Variants in RNFT2 observed in about 807,000 individuals in gnomAD.
The protein encoded by RNFT2 is E3 ubiquitin-protein ligase RNFT2.
A neutral mutation model predicts 53.0 loss-of-function variants in RNFT2; 36 were observed. The observed-to-expected ratio is 0.68, with a 90% confidence interval of 0.52 to 0.90. The LOEUF is 0.90. Among genes scored for constraint, RNFT2 ranks in the 40% least tolerant of loss-of-function variants. The pLI is 0.00. For synonymous variants in RNFT2, 260 were observed against 253.2 expected, an observed-to-expected ratio of 1.03 and a Z score of -0.26; for missense variants, 514 against 585.6, an observed-to-expected ratio of 0.88 and a Z score of 1.26.
intron 7 of RNFT2, among the ~76,000 whole-genome samples, chr12:116,791,946 G>A (rs752428837): frequency 3.3e-5 from 5 of 152,152 alleles, no homozygotes; most frequent in Admixed American, 3.3e-4. Context: ...GCTCACAAGT[G>A]GCTATGTGGA....
Position 116,849,363 on chromosome 12 carries a change from C to G in RNFT2, c.1250C>G (p.Thr417Ser). Residue 417 changes from threonine (T) to serine (S), a missense_variant, in exon 11 of 11, where the codon ACC becomes AGC. Transcript: ENST00000257575. The part of the protein sequence containing the change: ...CLCLWLDRER[T>S]CPLCRSVAVD... Reference sequence around the variant, plus strand: ...TGCCTGTGGCTGGACCGTGAGCGCACCTGCCCGCTCTGCCGCTCGGTCGCC... The same window carrying G: ...TGCCTGTGGCTGGACCGTGAGCGCAGCTGCCCGCTCTGCCGCTCGGTCGCC... 6.5e-7 allele frequency: 1 copy of G among 1,548,948 alleles called. No homozygotes were observed. The highest frequency in any genetic ancestry group is 8.7e-7 in the Non-Finnish European group (1 of 1,150,478).
At chr12:116,783,760 C>G (rs1435468618) in intron 7 of RNFT2, among the ~76,000 whole-genome samples, 1 of 152,264 alleles carries the variant, frequency 6.6e-6, no homozygotes, top group Non-Finnish European at 1.5e-5. Context: ...CCAGGTCAGA[C>G]AGAGGAGCAA....
At chr12:116,761,513 T>C (rs575175691) in intron 5 of RNFT2, among the ~76,000 whole-genome samples, 44 of 152,314 alleles carry the variant, frequency 2.9e-4, no homozygotes, top group Admixed American at 9.8e-4. Context: ...TGGGTGGACA[T>C]AGAGCTTCAC....
chr12:116,757,104 T>C lies in RNFT2; in HGVS notation c.627+3044T>C, dbSNP rs184530567. Among the ~76,000 whole-genome samples, 8 of 152,280 alleles carry C rather than the reference T, an allele frequency of 5.3e-5. No individual in the cohort carries two copies. In the East Asian group the frequency reaches 1.5e-3, roughly 29 times the overall value. On this transcript the variant is annotated intron_variant, in intron 5 of 10. Coordinates refer to ENST00000257575, the MANE Select transcript of RNFT2 (RefSeq NM_001382266.1). ...TCCATCTCTTCTAGGTTTTCTAGTT[T>C]TTGTGCATAAAGGTGTTCATAGTAG...
chr12:116,824,121 T>G (rs1474118094), intron 7 of RNFT2, among the ~76,000 whole-genome samples: 1 of 152,164 alleles, frequency 6.6e-6, no homozygotes, highest in African/African-American at 2.4e-5. Context: ...CCCATGGTAT[T>G]TCTGTGCCCA....
intron 7 of RNFT2, among the ~76,000 whole-genome samples, chr12:116,799,934 G>A (rs1029802248): frequency 1.3e-5 from 2 of 152,164 alleles, no homozygotes; most frequent in Non-Finnish European, 2.9e-5. Context: ...TGGGTCACAG[G>A]GGTGAATCTC....
chr12:116,750,559 TC>T (rs1872143375), intron 4 of RNFT2, among the ~76,000 whole-genome samples: 1 of 151,760 alleles, frequency 6.6e-6, no homozygotes, highest in African/African-American at 2.4e-5. Flanking sequence ...GATAGAAACT[TC>T]CTCGCTGGTT....
intron 10 of RNFT2, among the ~76,000 whole-genome samples, chr12:116,846,745 C>T (rs955767614): frequency 1.3e-5 from 2 of 151,940 alleles, no homozygotes; most frequent in Non-Finnish European, 2.9e-5. Context: ...TAACATTTTA[C>T]ATTTGCCCTT....
rs1353509859 is a variant in RNFT2 at position 116,852,022 on chromosome 12, C to G, written c.*2574C>G. On this transcript the variant is annotated 3_prime_UTR_variant, in exon 11 of 11. Transcript: ENST00000257575. ...TAGTGGCATGGAGCACCGTAACCATCTGTGCTTCTGTGATCTCTATGACAG... is the reference window on the plus strand; with the variant it reads ...TAGTGGCATGGAGCACCGTAACCATGTGTGCTTCTGTGATCTCTATGACAG... 1.5e-6 allele frequency: 2 copies of G among 1,311,810 alleles called. No individual in the cohort carries two copies. Among genetic ancestry groups the G allele is most frequent in the East Asian group, 5.0e-5 (2 of 39,760 alleles). 81.3% of individuals were successfully genotyped at this position (1,311,810 alleles called of 1,614,324 possible).
intron 7 of RNFT2, among the ~76,000 whole-genome samples, chr12:116,793,665 G>C (rs1161930309): frequency 6.6e-6 from 1 of 152,088 alleles, no homozygotes; most frequent in Non-Finnish European, 1.5e-5. Flanking sequence ...TGTTCTTGCT[G>C]TTCCCTCTGC....
At position 116,821,684 on chromosome 12, in the gene RNFT2, C is replaced by G. The variant is rs536870280; in HGVS notation, c.883-12108C>G. On this transcript the variant is annotated intron_variant, in intron 7 of 10. Transcript: ENST00000257575. ...TCTGGCCCAGGAGGCTGGAAGCAGT[C>G]CCTCCTGCTTATTTTTCCACATGTG... Among the ~76,000 whole-genome samples the G allele has an allele frequency of 1.2e-4, 19 of 152,226 alleles. 1 individual carries two copies. In the South Asian group the frequency reaches 3.9e-3, roughly 32 times the overall value.
At chr12:116,739,518 A>G (rs1246688424) in intron 1 of RNFT2, among the ~76,000 whole-genome samples, 1 of 152,272 alleles carries the variant, frequency 6.6e-6, no homozygotes, top group Non-Finnish European at 1.5e-5. Flanking sequence ...AATATAAAAC[A>G]GGGCAATATT....
chr12:116,787,588 C>T (rs1450508439), intron 7 of RNFT2, among the ~76,000 whole-genome samples: 2 of 151,940 alleles, frequency 1.3e-5, no homozygotes, highest in African/African-American at 2.4e-5. Context: ...TGGTGGAACG[C>T]ACCTGTAGTC....
At chr12:116,750,659 G>A (rs1872147667) in intron 4 of RNFT2, among the ~76,000 whole-genome samples, 3 of 151,158 alleles carry the variant, frequency 2.0e-5, no homozygotes, top group Admixed American at 2.0e-4. Flanking sequence ...GATGCTAGGT[G>A]CATTATTTAA....
chr12:116,805,271 T>C (rs1044363900), intron 7 of RNFT2, among the ~76,000 whole-genome samples: 12 of 152,152 alleles, frequency 7.9e-5, no homozygotes, highest in Admixed American at 7.9e-4. Context: ...AGTTCTCTCT[T>C]TTTCCTAATC....
At chr12:116,834,737 A>C (rs1271200257) in intron 8 of RNFT2, among the ~76,000 whole-genome samples, 1 of 152,114 alleles carries the variant, frequency 6.6e-6, no homozygotes, top group African/African-American at 2.4e-5. Flanking sequence ...AACATGTATC[A>C]GTATTTTTTA....
At chr12:116,794,694 A>AGGGAGGGAGGGGGGGAGGGAG (rs1874421205) in intron 7 of RNFT2, among the ~76,000 whole-genome samples, 1 of 16,288 alleles carries the variant, frequency 6.1e-5, no homozygotes, top group Non-Finnish European at 1.3e-4. Flanking sequence ...GAGGGAGGGA[A>AGGGAGGGAGGGGGGGAGGGAG]GGGAAGGGAG....
intron 5 of RNFT2, among the ~76,000 whole-genome samples, chr12:116,759,700 C>A (rs1055691521): frequency 6.6e-6 from 1 of 152,164 alleles, no homozygotes; most frequent in Non-Finnish European, 1.5e-5. Flanking sequence ...TGCACAGAGT[C>A]CTGTGATGTG....
chr12:116,852,691 T>C lies in RNFT2; in HGVS notation c.*3243T>C. ...ACAAGAAATTGGAGCTGGAGAAGAT[T>C]GATGAAAGTGCAGGTGTGTAAGGAA... On this transcript the variant is annotated 3_prime_UTR_variant, in exon 11 of 11. Transcript: ENST00000257575. 1 of 1,613,966 alleles carries C rather than the reference T, an allele frequency of 6.2e-7. No homozygotes were observed. The highest frequency in any genetic ancestry group is 8.5e-7 in the Non-Finnish European group (1 of 1,179,878).
Sources: gnomAD v4.1 joint callset for allele counts (sites outside exome capture counted in the v4.1 genomes callset) on GRCh38, gnomAD v4.1.1 for gene constraint, MANE v1.5 for transcripts, NCBI Gene and HGNC (gene_info 2026-07-23, HGNC 2026-07-21) for gene names.